Variants in C16orf96 observed in about 807,000 individuals in gnomAD.
The protein encoded by C16orf96 is chromosome 16 open reading frame 96.
Under a neutral mutation model 103.6 loss-of-function variants are expected in C16orf96, and 108 were observed. The observed-to-expected ratio is 1.04, with a 90% CI of 0.89 to 1.22. The LOEUF (loss-of-function observed/expected upper bound fraction) is 1.22, where lower values mean the gene tolerates loss of function less well. C16orf96 is among the 50% of genes most tolerant of loss of function. The pLI is 0.00. For missense variants in C16orf96, 1,586 were observed against 1,464.2 expected (o/e 1.08, Z -1.36); for synonymous variants, 566 against 593.5 (o/e 0.95, Z 0.67).
At position 4,575,159 on chromosome 16, in the gene C16orf96, C is replaced by A. The variant is rs886836446; in HGVS notation, c.694-15C>A. 4 of 1,545,076 alleles carry A rather than the reference C, an allele frequency of 2.6e-6. No individual in the cohort carries two copies. In the Admixed American group the frequency reaches 7.9e-5, roughly 30 times the overall value. On this transcript the variant is annotated splice_polypyrimidine_tract_variant and intron_variant, in intron 4 of 15. Coordinates refer to ENST00000444310, the MANE Select transcript of C16orf96 (RefSeq NM_001145011.2). ...GCTGGAAGCCAGCAGAGCCCCTCTG[C>A]CCCCTCTTCTGCAGGAAATTGGTTC...
chr16:4,572,362 C>T lies in C16orf96; in HGVS notation c.525+697C>T, dbSNP rs1221493691. On this transcript the variant is annotated intron_variant, in intron 2 of 15. Coordinates refer to ENST00000444310, the MANE Select transcript of C16orf96 (RefSeq NM_001145011.2). ...TTGCCCAGGCTGGAGTGTAGTGGCT[C>T]GATCTTGACTCACTGCAACCTCCAC... Among the ~76,000 whole-genome samples the T allele has an allele frequency of 4.4e-5, 6 of 136,016 alleles. 1 individual carries two copies. The highest frequency in any genetic ancestry group is 2.4e-4 in the South Asian group (1 of 4,252). 89.2% of individuals were successfully genotyped at this position (136,016 alleles called of 152,430 possible).
Position 4,593,264 on chromosome 16 carries a change from C to A in C16orf96, c.2815C>A (p.Leu939Met), listed in dbSNP as rs1897100092. Reference sequence around the variant, plus strand: ...CCGCAAAGCCCACCTGCTGTCCCGGCTGCGGCCAGCCAGCGCCAACAGCTG... The same window carrying A: ...CCGCAAAGCCCACCTGCTGTCCCGGATGCGGCCAGCCAGCGCCAACAGCTG... Reference protein sequence around the residue: ...TIRKAHLLSRLRPASANSCEY... With the variant: ...TIRKAHLLSRMRPASANSCEY... Residue 939 changes from leucine to methionine, a missense_variant, in exon 12 of 16, where the codon CTG (leucine) becomes ATG (methionine). Leu to Met is a conservative substitution (Grantham distance 15). Transcript: ENST00000444310. The surrounding 1 kb of genome is among the most constrained non-coding windows in gnomAD (Gnocchi z 4.2). The A allele has an allele frequency of 1.9e-6, 3 of 1,550,946 alleles. No homozygotes were observed. The highest frequency in any genetic ancestry group is 1.4e-5 in the African/African-American group (1 of 73,022).
chr16:4,565,570 C>T (rs2141701960), intron 1 of C16orf96, among the ~76,000 whole-genome samples: 1 of 152,328 alleles, frequency 6.6e-6, no homozygotes, highest in East Asian at 1.9e-4. Flanking sequence ...CTCACTGCAA[C>T]CTCCACCTCC....
chr16:4,575,756 C>G lies in C16orf96; in HGVS notation c.1276C>G (p.Pro426Ala). 1 of 1,547,794 alleles carries G rather than the reference C, an allele frequency of 6.5e-7. No individual in the cohort carries two copies. Among genetic ancestry groups the G allele is most frequent in the Non-Finnish European group, 8.7e-7 (1 of 1,145,446 alleles). The change falls in exon 5 of 16, where the codon CCA (proline) becomes GCA (alanine). Residue 426 changes from proline to alanine, a missense_variant. Pro to Ala is a conservative substitution (Grantham distance 27). Transcript: ENST00000444310. ...GCCCCAACCCTCCAGGGCCCCACCA[C>G]CAGCCACTGAGTTTGGCTCATTGTG... ...TQPQPSRAPP[P>A]ATEFGSLWPR...
chr16:4,538,641 C>G, the C16orf96 span: 1 of 152,288 alleles, frequency 6.6e-6, no homozygotes, highest in African/African-American at 2.4e-5. Context: ...CGCCCAGACC[C>G]TTCCCCCGGG....
chr16:4,565,884 C>A (rs143790969), intron 1 of C16orf96, among the ~76,000 whole-genome samples: 19 of 152,288 alleles, frequency 1.2e-4, no homozygotes, highest in African/African-American at 4.3e-4. Context: ...GCTCTGTTGC[C>A]CTGGCTGAAG....
chr16:4,575,381 A>C lies in C16orf96; in HGVS notation c.901A>C (p.Ser301Arg). Residue 301 changes from serine (S) to arginine (R), a missense_variant, in exon 5 of 16, where the codon AGC becomes CGC. Transcript: ENST00000444310. ...CTCATCTGCCCAAGCAGTTTCACTC[A>C]GCAGAGCCCAGGAGCCAGCGCAGCC... is the stretch of plus-strand genomic sequence containing the variant. ...EGSSAQAVSL[S>R]RAQEPAQPPA... is the part of the protein sequence containing the mutation. The C allele has an allele frequency of 6.4e-7, 1 of 1,550,954 alleles. No individual in the cohort carries two copies. Among genetic ancestry groups the C allele is most frequent in the Non-Finnish European group, 8.7e-7 (1 of 1,146,968 alleles).
At chr16:4,574,191 C>G (rs1039033969) in intron 2 of C16orf96, among the ~76,000 whole-genome samples, 5 of 151,824 alleles carry the variant, frequency 3.3e-5, no homozygotes, top group African/African-American at 1.2e-4. Flanking sequence ...TCCTGCCGTA[C>G]AGAAACCTGT....
At chr16:4,565,351 T>C (rs930544123) in intron 1 of C16orf96, among the ~76,000 whole-genome samples, 1 of 152,146 alleles carries the variant, frequency 6.6e-6, no homozygotes, top group African/African-American at 2.4e-5. Context: ...CACAGCTCTC[T>C]CTCCTGCCCC....
intron 10 of C16orf96, 151 bp from the exon 11 acceptor site, chr16:4,592,154 C>G (rs1897073440): frequency 6.6e-6 from 6 of 902,454 alleles, no homozygotes; most frequent in African/African-American, 3.3e-5. Context: ...AGAGAAACCA[C>G]AAGAGTGGTT....
chr16:4,582,285 A>AAAATAAAT lies in C16orf96; in HGVS notation c.2352+2195_2352+2202dup, dbSNP rs140485410. On this transcript the variant is annotated intron_variant, in intron 7 of 15. Transcript: ENST00000444310. The stretch of plus-strand genomic sequence containing the variant: ...CGACAAGAGCAAGACTCAGTCTCAA[A>AAAATAAAT]AAATAAATAAATAAATAAATAAATA... 1.4e-3 allele frequency among the ~76,000 whole-genome samples: 214 copies of AAAATAAAT among 149,338 alleles called. 3 individuals are homozygous for AAAATAAAT. The highest frequency in any genetic ancestry group is 5.2e-3 in the African/African-American group (207 of 40,174).
At chr16:4,543,549 T>C in the C16orf96 span, among the ~76,000 whole-genome samples, 4 of 152,146 alleles carry the variant, frequency 2.6e-5, no homozygotes, top group African/African-American at 9.7e-5. Flanking sequence ...GGTCTTGAAC[T>C]CCTAGGCTCA....
Position 4,591,730 on chromosome 16 carries a change from AGCTGCTGATTGAGG to A in C16orf96, c.2661_2674del (p.Leu888LysfsTer5). The A allele has an allele frequency of 6.4e-7, 1 of 1,551,704 alleles. No homozygotes were observed. Among genetic ancestry groups the A allele is most frequent in the Non-Finnish European group, 8.7e-7 (1 of 1,146,994 alleles). On this transcript the variant is annotated frameshift_variant, in exon 10 of 16. Transcript: ENST00000444310. LOFTEE classifies it high-confidence loss of function. ...GAAGAGGTCTGGAAAATCGTCCGGAAGCTGCTGATTGAGGGCTTAAGACTGGATCCTGACAGTGC... is the reference window on the plus strand; with the variant it reads ...GAAGAGGTCTGGAAAATCGTCCGGAAGCTTAAGACTGGATCCTGACAGTGC...
intron 8 of C16orf96, among the ~76,000 whole-genome samples, chr16:4,587,495 T>C (rs963561117): frequency 1.5e-5 from 2 of 134,638 alleles, no homozygotes; most frequent in Admixed American, 8.2e-5. Context: ...GCCATTGCAC[T>C]CCAGCCTGGG....
intron 1 of C16orf96, among the ~76,000 whole-genome samples, chr16:4,567,692 C>CTTTTTTTTTTTTTTTTTTTT (rs60143866): frequency 2.2e-5 from 1 of 44,528 alleles, no homozygotes; most frequent in Admixed American, 4.0e-4. Context: ...CTTCTGTTGC[C>CTTTTTTTTTTTTTTTTTTTT]TTTTTTTTTT....
In C16orf96 at chr16:4,575,797, G is replaced by C; in HGVS notation, c.1317G>C (p.Gln439His). Residue 439 changes from glutamine (Q) to histidine (H), a missense_variant, in exon 5 of 16, where the codon CAG (glutamine) becomes CAC (histidine). Physicochemically the swap from Gln to His is conservative, Grantham distance 24. Coordinates refer to ENST00000444310, the MANE Select transcript of C16orf96 (RefSeq NM_001145011.2). ...GCTCATTGTGGCCTCGACCACTCCAGCCATATCAGTCTCGCCAGGGAGAAG... is the reference window on the plus strand; with the variant it reads ...GCTCATTGTGGCCTCGACCACTCCACCCATATCAGTCTCGCCAGGGAGAAG... ...EFGSLWPRPL[Q>H]PYQSRQGEAL... The C allele has an allele frequency of 6.4e-7, 1 of 1,551,134 alleles. No individual in the cohort carries two copies. The highest frequency in any genetic ancestry group is 8.7e-7 in the Non-Finnish European group (1 of 1,146,972).
intron 1 of C16orf96, among the ~76,000 whole-genome samples, chr16:4,565,539 A>G (rs1350352960): frequency 1.3e-5 from 2 of 152,240 alleles, no homozygotes; most frequent in African/African-American, 4.8e-5. Context: ...CCCAGGCTGG[A>G]GTGCAGTGGC....
rs565915658 is a variant in C16orf96, at chr16:4,564,805, C to T, written c.421-6756C>T. ...CAGCCTGAGCGACAGAGCAAAACTC[C>T]ATCTCAAAAACAATAAATAAAATAC... On this transcript the variant is annotated intron_variant, in intron 1 of 15. Coordinates refer to ENST00000444310, the MANE Select transcript of C16orf96 (RefSeq NM_001145011.2). 2.6e-5 allele frequency among the ~76,000 whole-genome samples: 4 copies of T among 152,274 alleles called. No homozygotes were observed. In the South Asian group the frequency reaches 8.3e-4, roughly 32 times the overall value.
rs1004331792 is a variant in C16orf96 at position 4,556,739 on chromosome 16, G to A, written c.250G>A (p.Val84Met). The A allele has an allele frequency of 1.1e-5, 17 of 1,551,496 alleles. No homozygotes were observed. The highest frequency in any genetic ancestry group is 2.4e-5 in the East Asian group (1 of 40,922). ...MKRLSNVFDH[V>M]VSRLDKLENQ... is the part of the protein sequence containing the mutation. ...GAGGCTCAGCAATGTCTTCGACCAC[G>A]TGGTGAGCCGCCTCGACAAGTTGGA... The change falls in exon 1 of 16, where the codon GTG becomes ATG. Residue 84 changes from valine (V) to methionine (M), a missense_variant. By Grantham distance (21) the Val-to-Met change is conservative. Coordinates refer to ENST00000444310, the MANE Select transcript of C16orf96 (RefSeq NM_001145011.2).
Sources: allele counts gnomAD v4.1 joint callset (sites outside exome capture counted in the v4.1 genomes callset), GRCh38; gene constraint gnomAD v4.1.1; non-coding constraint Gnocchi (gnomAD v3.1); transcripts MANE v1.5; gene names NCBI Gene and HGNC (gene_info 2026-07-23, HGNC 2026-07-21).